The following ERMP1 variants were observed in gnomAD, a reference collection of about 807,000 sequenced individuals.
ERMP1 encodes endoplasmic reticulum metallopeptidase 1.
A neutral mutation model predicts 92.0 loss-of-function variants in ERMP1; 86 were observed. That is an observed-to-expected ratio of 0.93 (90% confidence interval 0.79 to 1.12). The LOEUF is 1.12. Among genes scored for constraint, ERMP1 ranks in the 50% most tolerant of loss-of-function variants. ERMP1 has a pLI of 0.00. For synonymous variants in ERMP1, 530 were observed against 412.8 expected (o/e 1.28, Z -3.44); for missense variants, 1,342 against 1,116.3 (o/e 1.20, Z -2.88).
At chr9:5,862,762 C>A (rs1234035323) in intron 5 of ERMP1, among the ~76,000 whole-genome samples, 1 of 152,204 alleles carries the variant, frequency 6.6e-6, no homozygotes, top group Non-Finnish European at 1.5e-5. Context: ...CACAACTGAT[C>A]ACCAAGGTGA....
At chr9:5,797,964 G>A (rs746402462) in intron 12 of ERMP1, 32 bp from the exon 13 acceptor site, 6 of 1,375,964 alleles carry the variant, frequency 4.4e-6, no homozygotes, top group Non-Finnish European at 6.2e-6. Flanking sequence ...GTTTTAGGGT[G>A]CTTTATTATT....
chr9:5,836,256 G>A (rs1429129381), upstream of ERMP1, among the ~76,000 whole-genome samples: 1 of 152,216 alleles, frequency 6.6e-6, no homozygotes, highest in African/African-American at 2.4e-5. Flanking sequence ...ATTTGCCGTA[G>A]AAGAAAACCA....
Position 5,807,894 on chromosome 9 carries a change from T to G in ERMP1, c.1549-2109A>C, listed in dbSNP as rs1012727886. Among the ~76,000 whole-genome samples the G allele has an allele frequency of 2.6e-5, 4 of 152,196 alleles. No homozygotes were observed. The South Asian group carries it at 8.3e-4, about 32-fold the overall frequency. On this transcript the variant is annotated intron_variant, in intron 8 of 14. Coordinates refer to ENST00000339450, the MANE Select transcript of ERMP1 (RefSeq NM_024896.3). Reference sequence around the variant, plus strand: ...CACTTCATCCCACAATATATTGCAATTATTATCATTCCCACACCTTCCCAA... The same window carrying G: ...CACTTCATCCCACAATATATTGCAAGTATTATCATTCCCACACCTTCCCAA...
chr9:5,787,727 G>T (rs532863432), intron 13 of ERMP1, 134 bp from the exon 14 acceptor site: 2 of 817,150 alleles, frequency 2.4e-6, no homozygotes, highest in Admixed American at 6.1e-5. Flanking sequence ...CCTAATGGAG[G>T]TTTACCAGTT....
At chr9:5,843,034 A>C (rs1160693445) in intron 6 of ERMP1, among the ~76,000 whole-genome samples, 1 of 152,276 alleles carries the variant, frequency 6.6e-6, no homozygotes, top group African/African-American at 2.4e-5. Context: ...GCCAAGTGAC[A>C]AACAGACTTG....
chr9:5,840,480 T>C (rs1830148683), intron 6 of ERMP1, among the ~76,000 whole-genome samples: 1 of 152,180 alleles, frequency 6.6e-6, no homozygotes, highest in Non-Finnish European at 1.5e-5. Flanking sequence ...TTTATGAATG[T>C]CAGGTCTGCA....
chr9:5,849,976 G>A (rs935248206), intron 6 of ERMP1, among the ~76,000 whole-genome samples: 1 of 152,144 alleles, frequency 6.6e-6, no homozygotes, highest in African/African-American at 2.4e-5. Context: ...TGGGATTGTG[G>A]ATTTCAATCG....
At chr9:5,865,443 G>C (rs1343502988) in intron 5 of ERMP1, among the ~76,000 whole-genome samples, 1 of 151,854 alleles carries the variant, frequency 6.6e-6, no homozygotes, top group Non-Finnish European at 1.5e-5. Context: ...GGGAGGCGGA[G>C]CTTGCAGTGA....
At chr9:5,845,418 G>C (rs1272580291) in intron 6 of ERMP1, among the ~76,000 whole-genome samples, 1 of 152,048 alleles carries the variant, frequency 6.6e-6, no homozygotes, top group Non-Finnish European at 1.5e-5. Flanking sequence ...AATATTAAAA[G>C]TAACTTTCTT....
At chr9:5,854,541 C>A (rs993445998) in intron 6 of ERMP1, among the ~76,000 whole-genome samples, 17 of 152,124 alleles carry the variant, frequency 1.1e-4, no homozygotes, top group Non-Finnish European at 8.8e-5. Flanking sequence ...TGGTCTTATA[C>A]TTTTTTCTGA....
rs567481804 is a variant in ERMP1, at chr9:5,785,446, G to A, written c.*1698C>T. 4.1e-4 allele frequency: 62 copies of A among 152,302 alleles called. No homozygotes were observed. Among genetic ancestry groups the A allele is most frequent in the African/African-American group, 1.4e-3 (59 of 41,566 alleles). 9.4% of individuals were successfully genotyped at this position (152,302 alleles called of 1,614,324 possible). On this transcript the variant is annotated 3_prime_UTR_variant, in exon 15 of 15. Coordinates refer to ENST00000339450, the MANE Select transcript of ERMP1 (RefSeq NM_024896.3). ...TAAAAGTAGCAGGAGCCAGACTCTT[G>A]AAGCACTTGAGACTGATTTCTACAA...
rs137956798 is a variant in ERMP1 at position 5,787,195 on chromosome 9, A to G, written c.2664T>C (p.Asp888=). The stretch of plus-strand genomic sequence containing the variant: ...ACACCCAGGCAGAGGGAAATGTCCA[A>G]TCTGGGAACTTTTCCTTCAGAGCAT... ...QLDALKEKFP[D]WTFPSAWVCT... Residue 888 remains aspartate, a synonymous_variant, in exon 15 of 15, where the codon GAT becomes GAC. Transcript: ENST00000339450. 6.8e-6 allele frequency: 11 copies of G among 1,614,116 alleles called. No homozygotes were observed. Among genetic ancestry groups the G allele is most frequent in the Non-Finnish European group, 9.3e-6 (11 of 1,179,978 alleles).
At position 5,831,910 on chromosome 9, in the gene ERMP1, G is replaced by A. The variant is rs551369278; in HGVS notation, c.338+780C>T. 2.8e-4 allele frequency among the ~76,000 whole-genome samples: 43 copies of A among 152,120 alleles called. 1 individual carries two copies. The South Asian group carries it at 8.5e-3, about 30-fold the overall frequency. On this transcript the variant is annotated intron_variant, in intron 1 of 14. Coordinates refer to ENST00000339450, the MANE Select transcript of ERMP1 (RefSeq NM_024896.3). ...GTGGGGAAAGCTGGAAGTGGGGGTG[G>A]GAGACGTTTCAGAAAGTCCTTAATA...
chr9:5,787,108 A>G lies in ERMP1; in HGVS notation c.*36T>C. The G allele has an allele frequency of 1.3e-6, 2 of 1,574,754 alleles. No homozygotes were observed. The highest frequency in any genetic ancestry group is 8.7e-7 in the Non-Finnish European group (1 of 1,155,658). Reference sequence around the variant, plus strand: ...AGGGAGAAACCATGTCACATGGAGTATCCACTGGGCATGTACTTAGAGCTC... The same window carrying G: ...AGGGAGAAACCATGTCACATGGAGTGTCCACTGGGCATGTACTTAGAGCTC... On this transcript the variant is annotated 3_prime_UTR_variant, in exon 15 of 15. Coordinates refer to ENST00000339450, the MANE Select transcript of ERMP1 (RefSeq NM_024896.3).
intron 13 of ERMP1, among the ~76,000 whole-genome samples, chr9:5,789,939 C>A (rs1260132): frequency 6.6e-6 from 1 of 151,124 alleles, no homozygotes; most frequent in African/African-American, 2.4e-5. Context: ...CTGCCTCAAC[C>A]TCCCAAAGTA....
chr9:5,844,263 G>GT (rs976188107), intron 6 of ERMP1, among the ~76,000 whole-genome samples: 1 of 152,020 alleles, frequency 6.6e-6, no homozygotes, highest in African/African-American at 2.4e-5. Context: ...AAGATTTTGT[G>GT]TTTTTTTGTT....
chr9:5,801,833 C>CA (rs2131220082), intron 10 of ERMP1, among the ~76,000 whole-genome samples: 1 of 152,290 alleles, frequency 6.6e-6, no homozygotes, highest in Non-Finnish European at 1.5e-5. Context: ...GGAAAAACTG[C>CA]ATTACAAAGT....
In ERMP1 at chr9:5,789,847, C is replaced by CTT. The variant is rs35893609; in HGVS notation, c.2387-2256_2387-2255dup. ...TACAGATGCATGCTACAAACCTGGC[C>CTT]TTTTTTTTTTTTTTTTGGTAGAGAT... is the stretch of plus-strand genomic sequence containing the variant. On this transcript the variant is annotated intron_variant, in intron 13 of 14. Coordinates refer to ENST00000339450, the MANE Select transcript of ERMP1 (RefSeq NM_024896.3). Among the ~76,000 whole-genome samples the CTT allele has an allele frequency of 2.5e-3, 338 of 136,612 alleles. 9 individuals carry two copies. The highest frequency in any genetic ancestry group is 5.1e-3 in the African/African-American group (190 of 37,280). The allele number at this position is 136,612 out of a possible 152,430, so 89.6% of individuals were successfully genotyped here. A position where few individuals can be genotyped will look rare whatever the true frequency, so the allele number is the denominator to read the frequency against.
chr9:5,838,459 C>G (rs1032887735), intron 6 of ERMP1, among the ~76,000 whole-genome samples: 1 of 151,566 alleles, frequency 6.6e-6, no homozygotes, highest in African/African-American at 2.4e-5. Flanking sequence ...GTGAGAGGAT[C>G]GCTTCCAGGA....
Sources: gnomAD v4.1 joint callset for allele counts (sites outside exome capture counted in the v4.1 genomes callset) on GRCh38, gnomAD v4.1.1 for gene constraint, MANE v1.5 for transcripts, NCBI Gene and HGNC (gene_info 2026-07-23, HGNC 2026-07-21) for gene names.